SUN1: variants seen among roughly 807,000 people sequenced by gnomAD.
The protein encoded by SUN1 is SUN domain-containing protein 1.
SUN1 carries 61 observed loss-of-function variants against 103.2 expected under a neutral mutation model. The ratio of observed to expected loss-of-function variants is 0.59; its 90% CI spans 0.48 to 0.73. The LOEUF is 0.73. SUN1 is among the 30% of genes least tolerant of loss of function. The pLI, the probability that SUN1 is intolerant of heterozygous loss-of-function variation, is 0.00. For missense variants in SUN1, 1,052 were observed against 1,034.6 expected, an observed-to-expected ratio of 1.02 and a Z score of -0.23; for synonymous variants, 490 against 425.7, an observed-to-expected ratio of 1.15 and a Z score of -1.86.
intron 14 of SUN1, among the ~76,000 whole-genome samples, chr7:860,640 T>C (rs1223754237): frequency 6.6e-6 from 1 of 152,238 alleles, no homozygotes; most frequent in Non-Finnish European, 1.5e-5. Context: ...TTGTGAATCT[T>C]TTTGTCCCAA....
intron 1 of SUN1, among the ~76,000 whole-genome samples, chr7:826,626 G>A (rs1792292474): frequency 6.6e-6 from 1 of 152,216 alleles, no homozygotes; most frequent in South Asian, 2.1e-4. Flanking sequence ...AGTCGTAGGT[G>A]TGACTGTTGT....
chr7:838,867 A>G lies in SUN1; in HGVS notation c.147A>G (p.Pro49=). The stretch of plus-strand genomic sequence containing the variant: ...AATTGGACCCTGTATTTGATTCTCC[A>G]CGGATGTCCCGCCGTAGTTTGCGCC... ...EHKLDPVFDS[P]RMSRRSLRLA... Residue 49 remains proline, a synonymous_variant, in exon 2 of 19, where the codon CCA becomes CCG. Transcript: ENST00000401592. 3 of 1,597,244 alleles carry G rather than the reference A, an allele frequency of 1.9e-6. No individual in the cohort carries two copies.
At chr7:841,518 A>G (rs970769220) in intron 2 of SUN1, among the ~76,000 whole-genome samples, 2 of 152,194 alleles carry the variant, frequency 1.3e-5, no homozygotes, top group African/African-American at 4.8e-5. Flanking sequence ...CTGGGATTCC[A>G]GGTGAGAGCC....
intron 5 of SUN1, 55 bp from the exon 6 acceptor site, chr7:851,329 T>C: frequency 1.3e-6 from 2 of 1,492,572 alleles, no homozygotes; most frequent in Non-Finnish European, 1.8e-6. Context: ...GTGCTGTCAC[T>C]GCAGAGGCTG....
chr7:852,310 C>A, intron 7 of SUN1: 2 of 595,514 alleles, frequency 3.4e-6, no homozygotes, highest in Non-Finnish European at 5.9e-6. Context: ...CAGGCTTCTG[C>A]CCTGCTGCAG....
intron 16 of SUN1, among the ~76,000 whole-genome samples, chr7:866,843 T>C (rs1309592514): frequency 6.7e-6 from 1 of 148,474 alleles, no homozygotes; most frequent in African/African-American, 2.5e-5. Context: ...GTGGTCCTCG[T>C]TGTGCACTGC....
chr7:866,046 G>C lies in SUN1; in HGVS notation c.1959G>C (p.Gln653His), dbSNP rs745489333. The C allele has an allele frequency of 2.0e-5, 33 of 1,614,112 alleles. No homozygotes were observed. Among genetic ancestry groups the C allele is most frequent in the Non-Finnish European group, 2.8e-5 (33 of 1,179,984 alleles). The change falls in exon 16 of 19, where the codon CAG becomes CAC. Residue 653 changes from glutamine to histidine, a missense_variant. This residue lies in a region of SUN1 where 206 missense variants were observed against 260.1 expected (regional missense o/e 0.79). Transcript: ENST00000401592. ...GGATCCCGCTGTGGTACTTCTCGCA[G>C]TCCCCGCGCGTGGTCATCCAGGTGA... is the stretch of plus-strand genomic sequence containing the variant. ...LFGIPLWYFSQSPRVVIQPDI... is the reference protein window; with the variant it reads ...LFGIPLWYFSHSPRVVIQPDI...
At chr7:849,489 G>A (rs775109057) in intron 5 of SUN1, 8 of 1,343,786 alleles carry the variant, frequency 6.0e-6, no homozygotes, top group Non-Finnish European at 5.0e-6. Context: ...GCGTCGGTGA[G>A]TTCCCTAAGC....
intron 1 of SUN1, among the ~76,000 whole-genome samples, chr7:819,770 G>A (rs1394944839): frequency 2.0e-5 from 3 of 150,102 alleles, no homozygotes; most frequent in South Asian, 4.2e-4. Flanking sequence ...GTGCAGTGGC[G>A]TGATCTCGGC....
chr7:826,495 G>A (rs962305479), intron 1 of SUN1, among the ~76,000 whole-genome samples: 5 of 152,174 alleles, frequency 3.3e-5, no homozygotes, highest in African/African-American at 9.7e-5. Flanking sequence ...TGCCGAGGCC[G>A]GGGGCTGCAG....
chr7:836,638 C>T (rs1803507915), intron 1 of SUN1, among the ~76,000 whole-genome samples: 1 of 152,200 alleles, frequency 6.6e-6, no homozygotes, highest in African/African-American at 2.4e-5. Context: ...CTTACTGAAG[C>T]CTTCGTGTTC....
At chr7:866,192 A>T in intron 16 of SUN1, 125 bp downstream of exon 16, 2 of 794,218 alleles carry the variant, frequency 2.5e-6, no homozygotes, top group Non-Finnish European at 4.1e-6. Flanking sequence ...CTGGTACCAC[A>T]AGAAGTGGCA....
intron 12 of SUN1, among the ~76,000 whole-genome samples, chr7:856,989 G>A (rs953145192): frequency 2.0e-5 from 3 of 152,212 alleles, no homozygotes; most frequent in Non-Finnish European, 4.4e-5. Context: ...AGTTCCTGGG[G>A]AAGCTGGCAT....
intron 2 of SUN1, among the ~76,000 whole-genome samples, chr7:841,406 G>A (rs1404743511): frequency 6.6e-6 from 1 of 151,536 alleles, no homozygotes; most frequent in Non-Finnish European, 1.5e-5. Flanking sequence ...AACACGCCCG[G>A]CTAATTTTTT....
upstream of SUN1, chr7:816,182 C>CAGACCCCTCCCCCAGGTGG (rs769237920): frequency 0.05 from 12,224 of 245,072 alleles, 1,183 homozygotes; most frequent in Non-Finnish European, 0.065. Context: ...CTCCGCGATG[C>CAGACCCCTCCCCCAGGTGG]AGACCCCTCC....
chr7:872,050 A>G (rs1013190925), intron 17 of SUN1, among the ~76,000 whole-genome samples: 23 of 152,054 alleles, frequency 1.5e-4, no homozygotes, highest in Non-Finnish European at 2.9e-4. Context: ...TCTCTTCCCA[A>G]AGTCGGTCTT....
chr7:853,221 A>G, intron 9 of SUN1, 188 bp from the exon 10 acceptor site: 1 of 764,118 alleles, frequency 1.3e-6, no homozygotes, highest in Non-Finnish European at 2.1e-6. Context: ...AGAGAAGAAA[A>G]TGAGAAGCAC....
upstream of SUN1, chr7:831,166 G>C (rs962573957): frequency 2.9e-6 from 1 of 348,230 alleles, no homozygotes; most frequent in Non-Finnish European, 4.0e-6. Flanking sequence ...CTGTTGAAGC[G>C]TAAGTTCCTG....
chr7:856,477 G>T, intron 12 of SUN1, 76 bp downstream of exon 12: 2 of 1,564,470 alleles, frequency 1.3e-6, no homozygotes, highest in Admixed American at 3.4e-5. Context: ...GCAGAGTGAT[G>T]AATGGGGGAC....
Sources: allele counts gnomAD v4.1 joint callset (sites outside exome capture counted in the v4.1 genomes callset), GRCh38; gene constraint gnomAD v4.1.1; regional missense constraint gnomAD v4.1.1; transcripts MANE v1.5; gene names NCBI Gene and HGNC (gene_info 2026-07-23, HGNC 2026-07-21).